The following CTNNA3 variants were observed in gnomAD, a reference collection of about 807,000 sequenced individuals.
CTNNA3 encodes the protein catenin alpha 3, also known as catenin alpha-3.
A neutral mutation model predicts 95.7 loss-of-function variants in CTNNA3; 76 were observed. That is an observed-to-expected ratio of 0.79 (90% CI 0.66 to 0.96). CTNNA3 has a LOEUF of 0.96. Ranked by LOEUF, CTNNA3 falls within the 40% of genes least tolerant of loss-of-function variation. The pLI is 0.00. For synonymous variants in CTNNA3, 431 were observed against 374.4 expected, an observed-to-expected ratio of 1.15 and a Z score of -1.74; for missense variants, 1,191 against 1,089.8, an observed-to-expected ratio of 1.09 and a Z score of -1.31.
intron 5 of CTNNA3, among the ~76,000 whole-genome samples, chr10:67,329,285 C>T (rs1397054133): frequency 1.3e-5 from 2 of 152,152 alleles, no homozygotes; most frequent in East Asian, 1.9e-4. Context: ...GCAGGAGGAT[C>T]GCTTCAACCC....
chr10:67,117,673 C>T (rs933332193), intron 7 of CTNNA3, among the ~76,000 whole-genome samples: 1 of 151,854 alleles, frequency 6.6e-6, no homozygotes, highest in Non-Finnish European at 1.5e-5. Flanking sequence ...TGTGCAAATT[C>T]AATTATAAAG....
chr10:66,876,604 C>T (rs993396063), intron 7 of CTNNA3, among the ~76,000 whole-genome samples: 1 of 152,080 alleles, frequency 6.6e-6, no homozygotes, highest in Non-Finnish European at 1.5e-5. Context: ...TAGTCTTCAA[C>T]TCACCTGCAG....
At chr10:66,083,450 C>A (rs1234835359) in intron 14 of CTNNA3, among the ~76,000 whole-genome samples, 1 of 152,140 alleles carries the variant, frequency 6.6e-6, no homozygotes, top group Non-Finnish European at 1.5e-5. Context: ...CTTGGTTTCA[C>A]GTGAGGGTCA....
intron 13 of CTNNA3, among the ~76,000 whole-genome samples, chr10:66,205,643 C>A (rs1380442588): frequency 2.0e-5 from 3 of 151,930 alleles, no homozygotes; most frequent in Non-Finnish European, 2.9e-5. Context: ...GTTATAGGTA[C>A]AATTTCCATT....
chr10:67,231,267 A>G (rs1865195775), intron 5 of CTNNA3, among the ~76,000 whole-genome samples: 1 of 152,240 alleles, frequency 6.6e-6, no homozygotes. Context: ...GCAGACTTAA[A>G]TGTCCCTGTC....
At chr10:67,365,837 A>T (rs917500871) in intron 5 of CTNNA3, among the ~76,000 whole-genome samples, 2 of 152,228 alleles carry the variant, frequency 1.3e-5, no homozygotes, top group Non-Finnish European at 2.9e-5. Context: ...AAGGACCTAG[A>T]ACTAGAAATA....
intron 1 of CTNNA3, among the ~76,000 whole-genome samples, chr10:67,705,219 G>A (rs1208292261): frequency 6.6e-6 from 1 of 152,096 alleles, no homozygotes; most frequent in East Asian, 1.9e-4. Context: ...AGACAGTGTG[G>A]CGATTCCTCA....
chr10:66,577,155 T>G (rs545544195), intron 10 of CTNNA3, among the ~76,000 whole-genome samples: 1 of 151,976 alleles, frequency 6.6e-6, no homozygotes, highest in East Asian at 1.9e-4. Flanking sequence ...TTCTTGTCCT[T>G]TGCCCACTTT....
At chr10:66,128,266 A>C (rs2082916031) in intron 13 of CTNNA3, among the ~76,000 whole-genome samples, 1 of 152,210 alleles carries the variant, frequency 6.6e-6, no homozygotes, top group Non-Finnish European at 1.5e-5. Context: ...TTATTTAAAA[A>C]TAAATTTGGA....
intron 5 of CTNNA3, among the ~76,000 whole-genome samples, chr10:67,473,961 CT>C (rs1207511939): frequency 1.3e-5 from 2 of 152,090 alleles, no homozygotes; most frequent in African/African-American, 4.8e-5. Context: ...CAACTTCTGA[CT>C]TTTTTTCCTG....
chr10:66,685,019 T>C (rs1847199439), intron 9 of CTNNA3, among the ~76,000 whole-genome samples: 1 of 151,268 alleles, frequency 6.6e-6, no homozygotes, highest in Admixed American at 6.6e-5. Flanking sequence ...AGTTCAAATT[T>C]TGCAAGCTAT....
chr10:66,743,974 CAAAAAAAAAAAAAA>C (rs536825430), intron 9 of CTNNA3, among the ~76,000 whole-genome samples: 5 of 45,062 alleles, frequency 1.1e-4, no homozygotes, highest in African/African-American at 2.5e-4. Flanking sequence ...GATTCCATCT[CAAAAAAAAAAAAAA>C]AAAAAAAAAA....
intron 5 of CTNNA3, among the ~76,000 whole-genome samples, chr10:67,425,170 T>A (rs898723639): frequency 1.3e-5 from 2 of 152,102 alleles, no homozygotes; most frequent in African/African-American, 4.8e-5. Flanking sequence ...ATGTCTTAAT[T>A]AACTTATTTT....
At chr10:67,356,491 C>G (rs151083961) in intron 5 of CTNNA3, among the ~76,000 whole-genome samples, 1 of 152,218 alleles carries the variant, frequency 6.6e-6, no homozygotes, top group East Asian at 1.9e-4. Flanking sequence ...ATAACTGAAT[C>G]TCCCAGTACC....
chr10:67,391,826 T>C (rs1030627061), intron 5 of CTNNA3, among the ~76,000 whole-genome samples: 43 of 151,356 alleles, frequency 2.8e-4, no homozygotes, highest in Non-Finnish European at 2.9e-5. Flanking sequence ...GTTTAATAAA[T>C]GGTGCTGGGA....
chr10:66,743,695 A>T (rs1849401686), intron 9 of CTNNA3, among the ~76,000 whole-genome samples: 2 of 151,964 alleles, frequency 1.3e-5, no homozygotes, highest in Non-Finnish European at 2.9e-5. Context: ...AAGGAGGAGG[A>T]GGTCGGGTGT....
At chr10:67,700,385 G>A (rs1202353447), upstream of CTNNA3, among the ~76,000 whole-genome samples, 1 of 152,162 alleles carries the variant, frequency 6.6e-6, no homozygotes, top group Non-Finnish European at 1.5e-5. Flanking sequence ...CCCAGTAGGG[G>A]CAGACTGACA....
chr10:66,839,890 C>T (rs1432813048), intron 7 of CTNNA3, among the ~76,000 whole-genome samples: 1 of 150,860 alleles, frequency 6.6e-6, no homozygotes, highest in East Asian at 2.0e-4. Context: ...ATGATATCAG[C>T]TCTAACCAGG....
At chr10:66,504,259 G>A (rs1840376328) in intron 11 of CTNNA3, among the ~76,000 whole-genome samples, 1 of 152,158 alleles carries the variant, frequency 6.6e-6, no homozygotes, top group South Asian at 2.1e-4. Flanking sequence ...CTGCTTCTAT[G>A]AGTTAGACTT....
Sources: gnomAD v4.1 joint callset for allele counts (sites outside exome capture counted in the v4.1 genomes callset) on GRCh38, gnomAD v4.1.1 for gene constraint, MANE v1.5 for transcripts, NCBI Gene and HGNC (gene_info 2026-07-23, HGNC 2026-07-21) for gene names.